TNFRSF10C: variants seen among roughly 807,000 people sequenced by gnomAD.
TNFRSF10C encodes TNF receptor superfamily member 10c, also known as tumor necrosis factor receptor superfamily member 10C.
TNFRSF10C carries 17 observed loss-of-function variants against 16.7 expected under a neutral mutation model. The observed-to-expected ratio is 1.02, with a 90% confidence interval of 0.70 to 1.53. The LOEUF (loss-of-function observed/expected upper bound fraction) is 1.53, where lower values mean the gene tolerates loss of function less well. TNFRSF10C is among the 40% of genes most tolerant of loss of function. The pLI, the probability that TNFRSF10C is intolerant of heterozygous loss-of-function variation, is 0.00. For synonymous variants in TNFRSF10C, 73 were observed against 119.7 expected (o/e 0.61, Z 2.55); for missense variants, 237 against 329.7 (o/e 0.72, Z 2.18).
intron 2 of TNFRSF10C, among the ~76,000 whole-genome samples, chr8:23,113,582 T>A (rs1382910177): frequency 6.6e-6 from 1 of 152,258 alleles, no homozygotes; most frequent in African/African-American, 2.4e-5. Flanking sequence ...GTTCTTGGTA[T>A]CTTTCTCACA....
intron 1 of TNFRSF10C, among the ~76,000 whole-genome samples, chr8:23,107,373 G>T (rs1371644047): frequency 6.6e-6 from 1 of 152,222 alleles, no homozygotes; most frequent in Non-Finnish European, 1.5e-5. Context: ...ATTGAAGAAT[G>T]AAGAAATTCT....
intron 1 of TNFRSF10C, among the ~76,000 whole-genome samples, chr8:23,109,426 A>T (rs1813838010): frequency 6.6e-6 from 1 of 152,078 alleles, no homozygotes; most frequent in African/African-American, 2.4e-5. Context: ...TCACGAGGTC[A>T]GAAAATCGAG....
In TNFRSF10C at chr8:23,115,525, TC is replaced by T; in HGVS notation, c.300del (p.Cys101AlafsTer3). On this transcript the variant is annotated frameshift_variant, in exon 4 of 5. Transcript: ENST00000356864. LOFTEE classifies it high-confidence loss of function. ...VCKSDQKHKS[S>X]CTMTRDTVCQ... Reference sequence around the variant, plus strand: ...GTTGTCAGATCAAAAACATAAAAGTTCCTGCACCATGACCAGAGACACAGTG... The same window carrying T: ...GTTGTCAGATCAAAAACATAAAAGTTCTGCACCATGACCAGAGACACAGTG... 6.2e-7 allele frequency: 1 copy of T among 1,612,802 alleles called. No individual in the cohort carries two copies. The highest frequency in any genetic ancestry group is 2.2e-5 in the East Asian group (1 of 44,864).
intron 2 of TNFRSF10C, among the ~76,000 whole-genome samples, chr8:23,112,374 G>A (rs1813895945): frequency 1.3e-5 from 2 of 152,180 alleles, no homozygotes. Flanking sequence ...ACAACACATT[G>A]TTTTAATAAC....
chr8:23,104,723 T>C (rs1412056584), intron 1 of TNFRSF10C, among the ~76,000 whole-genome samples: 1 of 152,244 alleles, frequency 6.6e-6, no homozygotes, highest in Non-Finnish European at 1.5e-5. Flanking sequence ...CATTCTTTAC[T>C]AGTCTAAGAT....
At chr8:23,103,321 G>A in intron 1 of TNFRSF10C, 140 bp downstream of exon 1, 1 of 1,449,134 alleles carries the variant, frequency 6.9e-7, no homozygotes, top group South Asian at 1.2e-5. Context: ...CTCGCCGTCG[G>A]AGTCAGGGGA....
intron 3 of TNFRSF10C, 83 bp from the exon 4 acceptor site, chr8:23,115,425 T>G (rs1813961403): frequency 8.4e-7 from 1 of 1,195,210 alleles, no homozygotes; most frequent in South Asian, 1.4e-5. Context: ...TTGGTTGAGC[T>G]GAGTGGGAGG....
intron 3 of TNFRSF10C, 142 bp from the exon 4 acceptor site, chr8:23,115,366 C>T: frequency 3.3e-6 from 2 of 611,660 alleles, no homozygotes; most frequent in Non-Finnish European, 5.8e-6. Context: ...CCTGTATGAG[C>T]CCTGAGTGTG....
Position 23,115,500 on chromosome 8 carries a change from G to T in TNFRSF10C, c.281-8G>T, listed in dbSNP as rs769802766. ...ACACATTCCCAAAACCTTATGCTCT[G>T]TTGTCAGATCAAAAACATAAAAGTT... On this transcript the variant is annotated splice_polypyrimidine_tract_variant and splice_region_variant and intron_variant, in intron 3 of 4. Transcript: ENST00000356864. The T allele has an allele frequency of 3.1e-6, 5 of 1,611,098 alleles. No homozygotes were observed. In the South Asian group the frequency reaches 4.4e-5, roughly 14 times the overall value.
intron 4 of TNFRSF10C, among the ~76,000 whole-genome samples, 186 bp downstream of exon 4, chr8:23,115,802 C>A (rs950689424): frequency 2.6e-5 from 4 of 152,088 alleles, no homozygotes; most frequent in Middle Eastern, 3.2e-3. Context: ...ACCCCTACCC[C>A]CTGCAGCAGC....
At chr8:23,103,234 G>A in intron 1 of TNFRSF10C, 53 bp downstream of exon 1, 3 of 1,586,396 alleles carry the variant, frequency 1.9e-6, no homozygotes, top group Non-Finnish European at 2.6e-6. Flanking sequence ...GGCGCCGGGA[G>A]GGGGCAGGGA....
At chr8:23,116,357 C>T (rs1813981942) in intron 4 of TNFRSF10C, among the ~76,000 whole-genome samples, 2 of 152,228 alleles carry the variant, frequency 1.3e-5, no homozygotes, top group South Asian at 2.1e-4. Context: ...TGGAGTGTGG[C>T]TCCTCCTAAC....
intron 1 of TNFRSF10C, among the ~76,000 whole-genome samples, chr8:23,108,260 A>G (rs1563342961): frequency 6.6e-6 from 1 of 152,230 alleles, no homozygotes; most frequent in East Asian, 1.9e-4. Context: ...AACAGTACGC[A>G]GCCGGACCGC....
At chr8:23,108,058 C>T (rs559733054) in intron 1 of TNFRSF10C, among the ~76,000 whole-genome samples, 3 of 152,124 alleles carry the variant, frequency 2.0e-5, no homozygotes, top group Non-Finnish European at 4.4e-5. Context: ...AGCTCTTCGC[C>T]TCCTGAGAAG....
At chr8:23,103,639 G>C (rs1813713946) in intron 1 of TNFRSF10C, 1 of 183,228 alleles carries the variant, frequency 5.5e-6, no homozygotes. Context: ...CACCTCCTCT[G>C]TCCTGAAAGT....
At position 23,102,950 on chromosome 8, in the gene TNFRSF10C, C is replaced by T. The variant is rs1425237596; in HGVS notation, c.-172C>T. The T allele has an allele frequency of 2.0e-6, 3 of 1,501,036 alleles. No homozygotes were observed. The highest frequency in any genetic ancestry group is 2.7e-6 in the Non-Finnish European group (3 of 1,118,260). The allele number at this position is 1,501,036 out of a possible 1,614,324, so 93.0% of individuals were successfully genotyped here. ...GTGCAGCTGTGGGAACCTCTCCACG[C>T]GCACGAACTCAGCCAACGATTTCTG... On this transcript the variant is annotated 5_prime_UTR_variant, in exon 1 of 5. Coordinates refer to ENST00000356864, the MANE Select transcript of TNFRSF10C (RefSeq NM_003841.5).
At chr8:23,115,088 C>A (rs955884090) in intron 3 of TNFRSF10C, among the ~76,000 whole-genome samples, 2 of 151,660 alleles carry the variant, frequency 1.3e-5, no homozygotes, top group African/African-American at 4.9e-5. Context: ...CTCTCTCCCC[C>A]AGGCTCTGTG....
chr8:23,103,563 T>C (rs1017006646), intron 1 of TNFRSF10C: 19 of 258,108 alleles, frequency 7.4e-5, no homozygotes, highest in Non-Finnish European at 1.1e-4. Flanking sequence ...CTTAAACGTG[T>C]TCCTTGGAGA....
intron 3 of TNFRSF10C, 66 bp downstream of exon 3, chr8:23,114,836 G>A (rs1813947378): frequency 8.5e-6 from 12 of 1,416,278 alleles, no homozygotes; most frequent in Middle Eastern, 1.8e-4. Context: ...AGTTGTAGCC[G>A]ATATGAGTCA....
Sources: gnomAD v4.1 joint callset for allele counts (sites outside exome capture counted in the v4.1 genomes callset) on GRCh38, gnomAD v4.1.1 for gene constraint, MANE v1.5 for transcripts, NCBI Gene and HGNC (gene_info 2026-07-23, HGNC 2026-07-21) for gene names.